CDKAL1: variants seen among roughly 807,000 people sequenced by gnomAD.
CDKAL1 encodes threonylcarbamoyladenosine tRNA methylthiotransferase.
A neutral mutation model predicts 68.2 loss-of-function variants in CDKAL1; 32 were observed. That is an observed-to-expected ratio of 0.47 (90% CI 0.35 to 0.63). The LOEUF (loss-of-function observed/expected upper bound fraction) is 0.63. Among genes scored for constraint, CDKAL1 ranks in the 30% least tolerant of loss-of-function variants. CDKAL1 has a pLI of 0.00. For missense variants in CDKAL1, 606 were observed against 696.7 expected, an observed-to-expected ratio of 0.87 and a Z score of 1.47; for synonymous variants, 234 against 244.3, an observed-to-expected ratio of 0.96 and a Z score of 0.39.
At chr6:20,996,639 A>G (rs905607914) in intron 10 of CDKAL1, among the ~76,000 whole-genome samples, 5 of 152,340 alleles carry the variant, frequency 3.3e-5, no homozygotes, top group Admixed American at 6.5e-5. Flanking sequence ...ATCAAAGATC[A>G]CTGATGACAG....
intron 11 of CDKAL1, among the ~76,000 whole-genome samples, chr6:21,057,455 C>CAA (rs35560899): frequency 1.6e-3 from 230 of 142,108 alleles, no homozygotes; most frequent in African/African-American, 4.3e-3. Flanking sequence ...TTTATTTTTT[C>CAA]AAAAAAAAAA....
At chr6:21,016,606 TTCCATTCA>T (rs1394158035) in intron 11 of CDKAL1, among the ~76,000 whole-genome samples, 19 of 144,930 alleles carry the variant, frequency 1.3e-4, no homozygotes, top group African/African-American at 4.4e-4. Context: ...TCCCCACGCC[TTCCATTCA>T]TCCATCCATC....
chr6:21,084,665 TC>T (rs1475983645), intron 12 of CDKAL1, among the ~76,000 whole-genome samples: 1 of 152,212 alleles, frequency 6.6e-6, no homozygotes, highest in Non-Finnish European at 1.5e-5. Context: ...CACAAAGTAT[TC>T]CCTCTAACTA....
intron 4 of CDKAL1, among the ~76,000 whole-genome samples, chr6:20,624,051 A>G (rs1259704422): frequency 6.6e-6 from 1 of 152,060 alleles, no homozygotes; most frequent in East Asian, 1.9e-4. Flanking sequence ...TGAAGGACTG[A>G]TAACCTTTGA....
In CDKAL1 at chr6:20,853,353, C is replaced by T. The variant is rs1759121251; in HGVS notation, c.742+7175C>T. 4.0e-5 allele frequency among the ~76,000 whole-genome samples: 6 copies of T among 149,862 alleles called. No individual in the cohort carries two copies. The South Asian group carries it at 1.3e-3, about 31-fold the overall frequency. ...CCAAGATCGTGCCACTGCACTCCAG[C>T]CTGGGCAACAGAGGGGATTTCGTCT... On this transcript the variant is annotated intron_variant, in intron 9 of 15. Transcript: ENST00000274695.
At chr6:20,671,431 T>C (rs1412312523) in intron 5 of CDKAL1, among the ~76,000 whole-genome samples, 1 of 152,226 alleles carries the variant, frequency 6.6e-6, no homozygotes, top group Non-Finnish European at 1.5e-5. Flanking sequence ...GCTGTCCTTT[T>C]ACTTTGTTGT....
chr6:20,666,013 A>T (rs2206739), intron 5 of CDKAL1, among the ~76,000 whole-genome samples: 1 of 151,472 alleles, frequency 6.6e-6, no homozygotes, highest in Non-Finnish European at 1.5e-5. Context: ...TAAAATTTCT[A>T]TATGGCCTGA....
At chr6:21,093,714 T>C (rs71535532) in intron 12 of CDKAL1, among the ~76,000 whole-genome samples, 2 of 117,596 alleles carry the variant, frequency 1.7e-5, no homozygotes, top group Non-Finnish European at 3.5e-5. Flanking sequence ...TTTTTTTTTT[T>C]TTTTTTTTTT....
At chr6:20,808,636 G>T (rs1370961847) in intron 8 of CDKAL1, among the ~76,000 whole-genome samples, 2 of 151,928 alleles carry the variant, frequency 1.3e-5, no homozygotes, top group African/African-American at 4.8e-5. Context: ...GCCTATGGGA[G>T]ATTTTCAACA....
chr6:20,814,408 C>T (rs1271164127), intron 8 of CDKAL1, among the ~76,000 whole-genome samples: 1 of 152,112 alleles, frequency 6.6e-6, no homozygotes, highest in Non-Finnish European at 1.5e-5. Context: ...TAGTGATCCG[C>T]TTCTGGGACT....
chr6:20,919,336 T>C (rs879196760), intron 9 of CDKAL1, among the ~76,000 whole-genome samples: 1 of 152,238 alleles, frequency 6.6e-6, no homozygotes, highest in Non-Finnish European at 1.5e-5. Context: ...ATGATTTAAT[T>C]ATTTGCACAT....
At chr6:20,991,826 G>A (rs992310928) in intron 10 of CDKAL1, among the ~76,000 whole-genome samples, 1 of 150,474 alleles carries the variant, frequency 6.6e-6, no homozygotes, top group African/African-American at 2.4e-5. Flanking sequence ...GTCTAGCCTG[G>A]GCAACATAGC....
intron 15 of CDKAL1, among the ~76,000 whole-genome samples, chr6:21,206,632 T>C (rs934085985): frequency 6.6e-6 from 1 of 152,188 alleles, no homozygotes. Context: ...TAAAAATTGC[T>C]TTAAAGAAAG....
intron 11 of CDKAL1, among the ~76,000 whole-genome samples, chr6:21,029,004 C>G (rs1266184720): frequency 1.3e-5 from 2 of 152,082 alleles, no homozygotes; most frequent in Admixed American, 6.6e-5. Flanking sequence ...CCTTCTTTCT[C>G]CTTACATCAA....
intron 9 of CDKAL1, among the ~76,000 whole-genome samples, chr6:20,871,197 T>C (rs149887981): frequency 3.3e-5 from 5 of 152,146 alleles, no homozygotes; most frequent in Middle Eastern, 3.2e-3. Context: ...GAAAGCAAGT[T>C]ATATTGAAAT....
At chr6:21,104,268 G>C (rs182044412) in intron 12 of CDKAL1, among the ~76,000 whole-genome samples, 1 of 152,138 alleles carries the variant, frequency 6.6e-6, no homozygotes, top group East Asian at 1.9e-4. Flanking sequence ...TATTATGCTT[G>C]GTACGTTCAT....
chr6:20,552,618 AT>A (rs11320714), intron 4 of CDKAL1, among the ~76,000 whole-genome samples: 110,194 of 139,188 alleles, frequency 0.79, 43,452 homozygotes, highest in Middle Eastern at 0.92. Context: ...TTGAATGGGA[AT>A]TTTTTTTTTT....
chr6:20,858,909 G>GACA (rs1759475147), intron 9 of CDKAL1, among the ~76,000 whole-genome samples: 2 of 152,014 alleles, frequency 1.3e-5, no homozygotes, highest in East Asian at 3.8e-4. Flanking sequence ...GGGACAAAGA[G>GACA]TATATTAAAC....
chr6:21,227,602 G>C (rs1428275528), intron 15 of CDKAL1, among the ~76,000 whole-genome samples: 1 of 152,268 alleles, frequency 6.6e-6, no homozygotes, highest in Non-Finnish European at 1.5e-5. Context: ...GGCAAATCTT[G>C]TGGCTGCATA....
Sources: allele counts gnomAD v4.1 joint callset (sites outside exome capture counted in the v4.1 genomes callset), GRCh38; gene constraint gnomAD v4.1.1; transcripts MANE v1.5; gene names NCBI Gene and HGNC (gene_info 2026-07-23, HGNC 2026-07-21).